The following RHOBTB3 variants were observed in gnomAD, a reference collection of about 807,000 sequenced individuals.
RHOBTB3 encodes rho-related BTB domain-containing protein 3.
Under a neutral mutation model 67.2 loss-of-function variants are expected in RHOBTB3, and 47 were observed. That is an observed-to-expected ratio of 0.70 (90% confidence interval 0.55 to 0.89). The LOEUF (loss-of-function observed/expected upper bound fraction) is 0.89. Ranked by LOEUF, RHOBTB3 falls within the 40% of genes least tolerant of loss-of-function variation. The pLI is 0.00. For synonymous variants in RHOBTB3, 273 were observed against 274.2 expected (o/e 1.00, Z 0.04); for missense variants, 631 against 750.0 (o/e 0.84, Z 1.85).
intron 6 of RHOBTB3, among the ~76,000 whole-genome samples, chr5:95,757,861 A>G (rs560538054): frequency 6.6e-6 from 1 of 152,354 alleles, no homozygotes; most frequent in East Asian, 1.9e-4. Context: ...AGTAAGCCAA[A>G]CTATTTAAAG....
chr5:95,740,860 C>T (rs1755575375), intron 3 of RHOBTB3, among the ~76,000 whole-genome samples: 1 of 152,288 alleles, frequency 6.6e-6, no homozygotes, highest in East Asian at 1.9e-4. Flanking sequence ...TAAACACACA[C>T]ACACACACTT....
intron 4 of RHOBTB3, among the ~76,000 whole-genome samples, chr5:95,749,824 G>A (rs765869575): frequency 3.9e-5 from 6 of 152,190 alleles, no homozygotes; most frequent in African/African-American, 1.4e-4. Context: ...CTTGCTCCCT[G>A]TTCTAGGATC....
intron 5 of RHOBTB3, among the ~76,000 whole-genome samples, chr5:95,753,633 G>A (rs1156249352): frequency 1.3e-5 from 2 of 152,168 alleles, no homozygotes; most frequent in Non-Finnish European, 2.9e-5. Context: ...CAAAGTGAAA[G>A]GGGAGACATG....
intron 1 of RHOBTB3, 21 bp downstream of exon 1, chr5:95,731,705 T>G: frequency 6.2e-7 from 1 of 1,613,218 alleles, no homozygotes; most frequent in Non-Finnish European, 8.5e-7. Context: ...GCCGCCGTCC[T>G]GCCATTGTCT....
rs552620266 is a variant in RHOBTB3, at chr5:95,795,902, A to AACT, written c.*2729_*2730insCTA. On this transcript the variant is annotated 3_prime_UTR_variant, in exon 12 of 12. Coordinates refer to ENST00000379982, the MANE Select transcript of RHOBTB3 (RefSeq NM_014899.4). ...TATTTCCCAGTCATTTTAATTAGAG[A>AACT]AGATACTCTATGGTAGAACTAAGGC... The AACT allele has an allele frequency of 3.7e-4, 57 of 152,326 alleles. No homozygotes were observed. In the East Asian group the frequency reaches 8.9e-3, roughly 24 times the overall value. The allele number at this position is 152,326 out of a possible 1,614,324, so 9.4% of individuals were successfully genotyped here.
chr5:95,786,711 T>C (rs191718848), intron 10 of RHOBTB3, among the ~76,000 whole-genome samples: 99 of 152,356 alleles, frequency 6.5e-4, no homozygotes, highest in African/African-American at 2.3e-3. Context: ...CTTGTGAGTT[T>C]ATGGGTATTT....
chr5:95,720,395 T>A (rs1754834293), intron 1 of RHOBTB3, among the ~76,000 whole-genome samples: 1 of 152,232 alleles, frequency 6.6e-6, no homozygotes, highest in Non-Finnish European at 1.5e-5. Flanking sequence ...GTTGTTGTAA[T>A]CATAGTTAAT....
At chr5:95,778,138 G>A (rs536111678) in intron 8 of RHOBTB3, among the ~76,000 whole-genome samples, 1 of 151,556 alleles carries the variant, frequency 6.6e-6, no homozygotes, top group South Asian at 2.1e-4. Flanking sequence ...AAAAAGTACA[G>A]TTGTTCCTTA....
At chr5:95,752,379 T>G (rs1021525312) in intron 5 of RHOBTB3, 29 bp downstream of exon 5, 13 of 1,345,016 alleles carry the variant, frequency 9.7e-6, no homozygotes, top group Non-Finnish European at 1.3e-5. Context: ...GTCTAGACAT[T>G]CATTAAACAT....
chr5:95,791,051 A>G (rs1429363805), intron 11 of RHOBTB3, among the ~76,000 whole-genome samples: 2 of 152,142 alleles, frequency 1.3e-5, no homozygotes, highest in East Asian at 1.9e-4. Flanking sequence ...CCCACTGCAC[A>G]TGGTCACCTG....
At chr5:95,760,101 C>T (rs572506106) in intron 6 of RHOBTB3, among the ~76,000 whole-genome samples, 36 of 152,118 alleles carry the variant, frequency 2.4e-4, no homozygotes, top group Admixed American at 2.0e-3. Context: ...AACAACAGTC[C>T]GGTTAACATT....
chr5:95,788,320 C>T (rs1004442220), intron 10 of RHOBTB3, among the ~76,000 whole-genome samples: 1 of 152,220 alleles, frequency 6.6e-6, no homozygotes, highest in African/African-American at 2.4e-5. Flanking sequence ...AAACCCATGC[C>T]TTCGGCCGAT....
At chr5:95,722,211 A>G (rs1754905157) in intron 1 of RHOBTB3, among the ~76,000 whole-genome samples, 1 of 152,192 alleles carries the variant, frequency 6.6e-6, no homozygotes, top group Non-Finnish European at 1.5e-5. Flanking sequence ...AAGCAAAGGG[A>G]GTGCAGGAGA....
intron 9 of RHOBTB3, among the ~76,000 whole-genome samples, chr5:95,783,150 A>G (rs1746110858): frequency 6.7e-6 from 1 of 150,286 alleles, no homozygotes; most frequent in Non-Finnish European, 1.5e-5. Context: ...GAGATGGAGT[A>G]TTGCTCTATT....
At chr5:95,788,359 C>T (rs1199869074) in intron 10 of RHOBTB3, among the ~76,000 whole-genome samples, 1 of 152,208 alleles carries the variant, frequency 6.6e-6, no homozygotes, top group African/African-American at 2.4e-5. Flanking sequence ...TATTTTTTGG[C>T]TTGCTCCTCA....
In RHOBTB3 at chr5:95,731,658, C is replaced by T. The variant is rs138352241; in HGVS notation, c.-25C>T. 3.4e-4 allele frequency: 555 copies of T among 1,613,106 alleles called. 4 individuals are homozygous for T. In the East Asian group the frequency reaches 0.011, roughly 33 times the overall value. On this transcript the variant is annotated 5_prime_UTR_variant, in exon 1 of 12. Transcript: ENST00000379982. The stretch of plus-strand genomic sequence containing the variant: ...TGAGCCGCTGCTTTTCTCCGAGTCG[C>T]CGCCCTGCCCTTGGATTTGAGATCA...
At chr5:95,780,008 CTAAG>C (rs1332752254) in intron 8 of RHOBTB3, 3 of 449,132 alleles carry the variant, frequency 6.7e-6, no homozygotes, top group East Asian at 3.3e-5. Context: ...GAAATACAAA[CTAAG>C]TAACAAATTG....
chr5:95,721,784 G>T (rs558643219), intron 1 of RHOBTB3, among the ~76,000 whole-genome samples: 2 of 150,840 alleles, frequency 1.3e-5, no homozygotes, highest in African/African-American at 4.9e-5. Flanking sequence ...GAAAAAAACA[G>T]AAAGTGAAAA....
At chr5:95,741,283 G>A (rs1441595995) in intron 3 of RHOBTB3, among the ~76,000 whole-genome samples, 1 of 147,762 alleles carries the variant, frequency 6.8e-6, no homozygotes, top group Non-Finnish European at 1.5e-5. Context: ...AACCGAGATC[G>A]CACCACTGCA....
Sources: gnomAD v4.1 joint callset for allele counts (sites outside exome capture counted in the v4.1 genomes callset) on GRCh38, gnomAD v4.1.1 for gene constraint, MANE v1.5 for transcripts, NCBI Gene and HGNC (gene_info 2026-07-23, HGNC 2026-07-21) for gene names.